The following CDH7 variants were observed in gnomAD, a reference collection of about 807,000 sequenced individuals.
CDH7 encodes cadherin-7.
A neutral mutation model predicts 71.8 loss-of-function variants in CDH7; 25 were observed. The observed-to-expected ratio is 0.35, with a 90% CI of 0.25 to 0.49. The LOEUF is 0.49. Among genes scored for constraint, CDH7 ranks in the 20% least tolerant of loss-of-function variants. The pLI is 0.99. For missense variants in CDH7, 862 were observed against 974.6 expected (o/e 0.88, Z 1.54); for synonymous variants, 381 against 363.8 (o/e 1.05, Z -0.54).
chr18:65,761,698 G>A (rs1028958878), intron 1 of CDH7, among the ~76,000 whole-genome samples: 2 of 152,042 alleles, frequency 1.3e-5, no homozygotes, highest in Admixed American at 1.3e-4. Flanking sequence ...GTGTTTTAGG[G>A]GTATGTTCGA....
chr18:65,794,269 TG>T (rs1910825665), intron 2 of CDH7, among the ~76,000 whole-genome samples: 1 of 152,068 alleles, frequency 6.6e-6, no homozygotes, highest in Non-Finnish European at 1.5e-5. Flanking sequence ...TGATCTTTAA[TG>T]TGGAAAGTTG....
intron 6 of CDH7, among the ~76,000 whole-genome samples, chr18:65,834,172 A>G (rs1414676193): frequency 3.3e-5 from 5 of 152,226 alleles, no homozygotes; most frequent in Admixed American, 2.6e-4. Flanking sequence ...GAATTTAAAG[A>G]CATAGCCAGT....
intron 2 of CDH7, among the ~76,000 whole-genome samples, chr18:65,800,972 C>T (rs1220716432): frequency 6.6e-6 from 1 of 152,088 alleles, no homozygotes; most frequent in Non-Finnish European, 1.5e-5. Flanking sequence ...AAAGCACTTC[C>T]CTGAACCCCG....
Position 65,888,984 on chromosome 18 carries a change from T to A in CDH7, c.*8090T>A, listed in dbSNP as rs979263448. On this transcript the variant is annotated 3_prime_UTR_variant, in exon 12 of 12. Coordinates refer to ENST00000397968, the MANE Select transcript of CDH7 (RefSeq NM_004361.5). The stretch of plus-strand genomic sequence containing the variant: ...AGGAAACTTCTTTGTGATTCTTTTT[T>A]AAAAATAATTTAATCAGGAAGTGAC... The A allele has an allele frequency of 1.3e-5, 2 of 152,224 alleles. No homozygotes were observed. The highest frequency in any genetic ancestry group is 6.5e-5 in the Admixed American group (1 of 15,274). 9.4% of individuals were successfully genotyped at this position (152,224 alleles called of 1,614,324 possible).
At chr18:65,875,350 A>G (rs148250311) in intron 11 of CDH7, among the ~76,000 whole-genome samples, 280 of 152,270 alleles carry the variant, frequency 1.8e-3, no homozygotes, top group African/African-American at 5.7e-3. Flanking sequence ...ACTTGATGAT[A>G]CTCCAATAGA....
chr18:65,824,853 T>G (rs1912071088), intron 6 of CDH7, 22 bp downstream of exon 6: 1 of 1,519,188 alleles, frequency 6.6e-7, no homozygotes, highest in Admixed American at 1.8e-5. Context: ...TTTATTTATC[T>G]TTTATCACAG....
chr18:65,867,472 GA>G (rs977497571), intron 11 of CDH7, among the ~76,000 whole-genome samples: 2 of 151,386 alleles, frequency 1.3e-5, no homozygotes, highest in African/African-American at 2.4e-5. Context: ...ACACTTTAAA[GA>G]AAAAAAATTC....
chr18:65,818,400 A>T (rs1353750704), intron 4 of CDH7, among the ~76,000 whole-genome samples: 5 of 152,202 alleles, frequency 3.3e-5, no homozygotes, highest in Admixed American at 3.3e-4. Flanking sequence ...AAAAGTGATC[A>T]TTGTTATCCA....
intron 4 of CDH7, among the ~76,000 whole-genome samples, chr18:65,817,343 T>G (rs1033947771): frequency 6.6e-6 from 1 of 152,110 alleles, no homozygotes; most frequent in Non-Finnish European, 1.5e-5. Flanking sequence ...AAGAGTGCTG[T>G]CTCTTTTGAA....
chr18:65,794,205 T>C (rs372046902), intron 2 of CDH7, among the ~76,000 whole-genome samples: 43 of 152,160 alleles, frequency 2.8e-4, no homozygotes, highest in African/African-American at 1.0e-3. Context: ...TATAAGATTA[T>C]GGTGTACATT....
chr18:65,840,922 AAT>A (rs1912709487), intron 6 of CDH7, among the ~76,000 whole-genome samples: 1 of 152,114 alleles, frequency 6.6e-6, no homozygotes, highest in Non-Finnish European at 1.5e-5. Flanking sequence ...TAATCTTAGT[AAT>A]TAATTCTAAT....
intron 4 of CDH7, among the ~76,000 whole-genome samples, chr18:65,820,771 T>C (rs2143933572): frequency 6.6e-6 from 1 of 152,292 alleles, no homozygotes; most frequent in East Asian, 1.9e-4. Flanking sequence ...ACCAGACTTC[T>C]ATCTTAACGA....
intron 6 of CDH7, among the ~76,000 whole-genome samples, chr18:65,840,030 AATT>A (rs1330137498): frequency 2.6e-5 from 4 of 152,174 alleles, no homozygotes; most frequent in South Asian, 2.1e-4. Context: ...ACCTATCAAA[AATT>A]ATTATTTGCA....
chr18:65,811,334 G>A (rs975393905), intron 3 of CDH7, among the ~76,000 whole-genome samples: 1 of 152,154 alleles, frequency 6.6e-6, no homozygotes, highest in Non-Finnish European at 1.5e-5. Flanking sequence ...CCTATTAGAA[G>A]AGAGAGGGGA....
chr18:65,826,909 T>C (rs1912152926), intron 6 of CDH7, among the ~76,000 whole-genome samples: 1 of 143,058 alleles, frequency 7.0e-6, no homozygotes, highest in South Asian at 2.2e-4. Context: ...TGTGTATTGT[T>C]GAAGGTATTA....
At chr18:65,803,699 G>A (rs767262537) in intron 2 of CDH7, 1 of 151,666 alleles carries the variant, frequency 6.6e-6, no homozygotes, top group East Asian at 1.9e-4. Context: ...GTATATTCAG[G>A]CATTTTTACT....
chr18:65,798,703 G>A (rs1209307466), intron 2 of CDH7, among the ~76,000 whole-genome samples: 1 of 151,976 alleles, frequency 6.6e-6, no homozygotes, highest in African/African-American at 2.4e-5. Flanking sequence ...TTGAGCTAAA[G>A]GGAAAAGGAG....
At chr18:65,827,677 G>T (rs1229801354) in intron 6 of CDH7, among the ~76,000 whole-genome samples, 1 of 151,854 alleles carries the variant, frequency 6.6e-6, no homozygotes, top group Non-Finnish European at 1.5e-5. Flanking sequence ...AAGTAGATCT[G>T]ATTTTTAAAT....
chr18:65,843,844 G>A lies in CDH7; in HGVS notation c.1014G>A (p.Thr338=), dbSNP rs142890731. 12 of 1,560,348 alleles carry A rather than the reference G, an allele frequency of 7.7e-6. No individual in the cohort carries two copies. The highest frequency in any genetic ancestry group is 5.5e-5 in the African/African-American group (4 of 72,644). The change falls in exon 7 of 12, where the codon ACG becomes ACA. Residue 338 remains threonine (T), a synonymous_variant. Coordinates refer to ENST00000397968, the MANE Select transcript of CDH7 (RefSeq NM_004361.5). ...ATTTTGAAGCCAAAACAAGTTACAC[G>A]CTACGGATAGAAGCTGCAAATAAAG... The part of the protein sequence containing the change: ...ELDFEAKTSY[T]LRIEAANKDA...
Sources: allele counts gnomAD v4.1 joint callset (sites outside exome capture counted in the v4.1 genomes callset), GRCh38; gene constraint gnomAD v4.1.1; transcripts MANE v1.5; gene names NCBI Gene and HGNC (gene_info 2026-07-23, HGNC 2026-07-21).